ARSB: variants seen among roughly 807,000 people sequenced by gnomAD.
The protein encoded by ARSB is N-acetylgalactosamine-4-sulfatase.
In ARSB, 41 loss-of-function variants were observed where a neutral mutation model predicts 50.9. The ratio of observed to expected loss-of-function variants is 0.81; its 90% CI spans 0.63 to 1.04. The LOEUF (loss-of-function observed/expected upper bound fraction) is 1.04. Ranked by LOEUF, ARSB falls within the 50% of genes least tolerant of loss-of-function variation. ARSB has a pLI of 0.00. For synonymous variants in ARSB, 269 were observed against 284.8 expected (o/e 0.94, Z 0.56); for missense variants, 672 against 693.3 (o/e 0.97, Z 0.35).
chr5:78,850,453 T>C (rs202077610), intron 5 of ARSB, among the ~76,000 whole-genome samples: 58 of 148,762 alleles, frequency 3.9e-4, no homozygotes, highest in Middle Eastern at 6.9e-3. Flanking sequence ...CTGCTGGATT[T>C]GGTTTGCCAG....
intron 6 of ARSB, among the ~76,000 whole-genome samples, chr5:78,821,660 T>G (rs1744229012): frequency 6.6e-6 from 1 of 152,250 alleles, no homozygotes; most frequent in African/African-American, 2.4e-5. Flanking sequence ...TACAATTTTG[T>G]ATAAAGCACT....
At chr5:78,851,655 T>G (rs1745792658) in intron 5 of ARSB, among the ~76,000 whole-genome samples, 1 of 152,172 alleles carries the variant, frequency 6.6e-6, no homozygotes, top group Admixed American at 6.5e-5. Context: ...ATGTTGATAG[T>G]GGGGTGTTAA....
chr5:78,824,933 T>G (rs895544064), intron 6 of ARSB, among the ~76,000 whole-genome samples: 1 of 152,230 alleles, frequency 6.6e-6, no homozygotes, highest in Non-Finnish European at 1.5e-5. Flanking sequence ...GGTTAGTAAC[T>G]CTAAGGAGTG....
chr5:78,898,066 G>A (rs751720587), intron 4 of ARSB, among the ~76,000 whole-genome samples: 7 of 152,082 alleles, frequency 4.6e-5, no homozygotes, highest in South Asian at 2.1e-4. Context: ...CCAGGAGTTC[G>A]AGACCAGCCT....
At chr5:78,911,433 G>A (rs1749300507) in intron 4 of ARSB, among the ~76,000 whole-genome samples, 1 of 151,822 alleles carries the variant, frequency 6.6e-6, no homozygotes, top group South Asian at 2.1e-4. Context: ...AATTAGCCGG[G>A]TGTGGTGGTG....
intron 4 of ARSB, among the ~76,000 whole-genome samples, chr5:78,897,276 G>T (rs1561488856): frequency 1.3e-5 from 2 of 152,140 alleles, no homozygotes; most frequent in African/African-American, 4.8e-5. Flanking sequence ...ACTGTGTGGG[G>T]TTATTACGGG....
At chr5:78,846,590 T>A (rs1444021903) in intron 5 of ARSB, among the ~76,000 whole-genome samples, 2 of 152,238 alleles carry the variant, frequency 1.3e-5, no homozygotes, top group South Asian at 2.1e-4. Context: ...GATTTCTGTA[T>A]GTTGATTCTG....
chr5:78,950,286 C>G (rs1751441657), intron 4 of ARSB, among the ~76,000 whole-genome samples: 1 of 152,154 alleles, frequency 6.6e-6, no homozygotes, highest in Non-Finnish European at 1.5e-5. Context: ...ATGCCAGAAT[C>G]TTGGAAACAT....
intron 5 of ARSB, among the ~76,000 whole-genome samples, chr5:78,877,832 A>C (rs1223054711): frequency 6.6e-6 from 1 of 152,254 alleles, no homozygotes; most frequent in East Asian, 1.9e-4. Context: ...CCAACTGAGA[A>C]GTGATATAGA....
intron 5 of ARSB, among the ~76,000 whole-genome samples, chr5:78,858,068 G>C (rs1746241918): frequency 6.6e-6 from 1 of 152,124 alleles, no homozygotes; most frequent in Non-Finnish European, 1.5e-5. Context: ...ACTGGGTTTG[G>C]AGCTCAGGCA....
chr5:78,863,750 G>C (rs1746567663), intron 5 of ARSB, among the ~76,000 whole-genome samples: 1 of 151,788 alleles, frequency 6.6e-6, no homozygotes, highest in South Asian at 2.1e-4. Flanking sequence ...AGAACTTAAA[G>C]TATAATAATA....
rs1370380182 is a variant in ARSB, at chr5:78,780,018, C to T, written c.*379G>A. 1 of 290,102 alleles carries T rather than the reference C, an allele frequency of 3.4e-6. No individual in the cohort carries two copies. The highest frequency in any genetic ancestry group is 2.2e-5 in the African/African-American group (1 of 45,788). The allele number at this position is 290,102 out of a possible 1,614,324, so 18.0% of individuals were successfully genotyped here. A position where few individuals can be genotyped will look rare whatever the true frequency, so the allele number is the denominator to read the frequency against. On this transcript the variant is annotated 3_prime_UTR_variant, in exon 8 of 8. Coordinates refer to ENST00000264914, the MANE Select transcript of ARSB (RefSeq NM_000046.5). ...TCATTTGCGTAAGAAATGTGATTCA[C>T]TCCAATAAAACTGGCTATTGGCAGA...
At chr5:78,839,880 C>T (rs1183009676) in intron 5 of ARSB, among the ~76,000 whole-genome samples, 1 of 152,144 alleles carries the variant, frequency 6.6e-6, no homozygotes, top group Admixed American at 6.6e-5. Flanking sequence ...AAATTAATGT[C>T]CTCCATGTCC....
chr5:78,980,845 T>C (rs1752873213), intron 1 of ARSB, among the ~76,000 whole-genome samples: 1 of 152,096 alleles, frequency 6.6e-6, no homozygotes, highest in African/African-American at 2.4e-5. Flanking sequence ...AAAATACGGA[T>C]TTTTTTAAAG....
chr5:78,881,125 G>A (rs562318772), intron 5 of ARSB, among the ~76,000 whole-genome samples: 1 of 152,090 alleles, frequency 6.6e-6, no homozygotes, highest in Non-Finnish European at 1.5e-5. Flanking sequence ...CCAACTACTC[G>A]GGAAGCTGAG....
intron 4 of ARSB, among the ~76,000 whole-genome samples, chr5:78,936,603 C>G (rs59861025): frequency 0.011 from 1,630 of 152,238 alleles, 34 homozygotes; most frequent in African/African-American, 0.037. Flanking sequence ...GTCTTTCTCA[C>G]TTACCTCAAG....
intron 1 of ARSB, among the ~76,000 whole-genome samples, chr5:78,982,531 C>T (rs995494641): frequency 6.6e-6 from 1 of 152,156 alleles, no homozygotes; most frequent in Non-Finnish European, 1.5e-5. Flanking sequence ...TAGGCATCAA[C>T]CCTAGGGCCA....
intron 5 of ARSB, among the ~76,000 whole-genome samples, chr5:78,872,840 G>C (rs1747291206): frequency 6.7e-6 from 1 of 148,844 alleles, no homozygotes; most frequent in Non-Finnish European, 1.5e-5. Flanking sequence ...AAAAGAAAGG[G>C]GCTACATTTA....
At chr5:78,844,273 T>C (rs565367092) in intron 5 of ARSB, among the ~76,000 whole-genome samples, 2 of 152,312 alleles carry the variant, frequency 1.3e-5, no homozygotes, top group South Asian at 2.1e-4. Flanking sequence ...TGCGATTTGA[T>C]TTGCATTTTC....
Sources: gnomAD v4.1 joint callset for allele counts (sites outside exome capture counted in the v4.1 genomes callset) on GRCh38, gnomAD v4.1.1 for gene constraint, MANE v1.5 for transcripts, NCBI Gene and HGNC (gene_info 2026-07-23, HGNC 2026-07-21) for gene names.